DGKE: variants seen among roughly 807,000 people sequenced by gnomAD.
DGKE encodes the protein DAG kinase epsilon.
Under a neutral mutation model 70.0 loss-of-function variants are expected in DGKE, and 53 were observed. The observed-to-expected ratio is 0.76, with a 90% CI of 0.61 to 0.95. The LOEUF is 0.95. Ranked by LOEUF, DGKE falls within the 40% of genes least tolerant of loss-of-function variation. DGKE has a pLI of 0.00. For synonymous variants in DGKE, 291 were observed against 257.0 expected (o/e 1.13, Z -1.27); for missense variants, 655 against 706.9 (o/e 0.93, Z 0.83).
chr17:56,839,190 T>G (rs1193537436), intron 2 of DGKE, among the ~76,000 whole-genome samples: 3 of 152,126 alleles, frequency 2.0e-5, no homozygotes, highest in Non-Finnish European at 4.4e-5. Context: ...AAATATGAAT[T>G]TATATGGAAA....
intron 7 of DGKE, 36 bp from the exon 8 acceptor site, chr17:56,856,476 C>T: frequency 6.3e-7 from 1 of 1,590,594 alleles, no homozygotes; most frequent in South Asian, 1.2e-5. Context: ...TTAGGTGGAA[C>T]CATAGTCTGT....
At chr17:56,861,113 T>A (rs1221708503) in intron 9 of DGKE, among the ~76,000 whole-genome samples, 1 of 152,086 alleles carries the variant, frequency 6.6e-6, no homozygotes, top group Non-Finnish European at 1.5e-5. Flanking sequence ...GACATAGAAA[T>A]AGCATCAACA....
intron 7 of DGKE, among the ~76,000 whole-genome samples, chr17:56,852,240 C>T (rs940493223): frequency 2.6e-5 from 4 of 151,940 alleles, no homozygotes; most frequent in African/African-American, 9.7e-5. Flanking sequence ...TGGTGAAACC[C>T]CATCTCTAAT....
Position 56,863,733 on chromosome 17 carries a change from TAGGG to T in DGKE, c.*946_*949del, listed in dbSNP as rs1047573307. 1 of 152,200 alleles carries T rather than the reference TAGGG, an allele frequency of 6.6e-6. No individual in the cohort carries two copies. The highest frequency in any genetic ancestry group is 2.4e-5 in the African/African-American group (1 of 41,462). The allele number at this position is 152,200 out of a possible 1,614,324, so 9.4% of individuals were successfully genotyped here. ...GTAGTCTTTTAACAGAATTTCCCCT[TAGGG>T]AGGTAAGTGGACAGAAATCTTTGCT... On this transcript the variant is annotated 3_prime_UTR_variant, in exon 12 of 12. Coordinates refer to ENST00000284061, the MANE Select transcript of DGKE (RefSeq NM_003647.3).
intron 7 of DGKE, among the ~76,000 whole-genome samples, chr17:56,853,963 T>C: frequency 6.8e-6 from 1 of 146,806 alleles, no homozygotes; most frequent in Admixed American, 6.8e-5. Context: ...ATATACACAA[T>C]GGAAAACTAT....
In DGKE at chr17:56,866,578, T is replaced by C. The variant is rs994068833; in HGVS notation, c.*3787T>C. Reference sequence around the variant, plus strand: ...TATTTGTATCATACCCAAATTGATATATTTGTCTGAACTCTGTTACATAAA... The same window carrying C: ...TATTTGTATCATACCCAAATTGATACATTTGTCTGAACTCTGTTACATAAA... On this transcript the variant is annotated 3_prime_UTR_variant, in exon 12 of 12. Transcript: ENST00000284061. 5.9e-5 allele frequency: 9 copies of C among 152,274 alleles called. No individual in the cohort carries two copies. Among genetic ancestry groups the C allele is most frequent in the Admixed American group, 1.3e-4 (2 of 15,292 alleles). 9.4% of individuals were successfully genotyped at this position (152,274 alleles called of 1,614,324 possible). A position where few individuals can be genotyped will look rare whatever the true frequency, so the allele number is the denominator to read the frequency against.
Position 56,862,119 on chromosome 17 carries a change from AT to A in DGKE, c.1413-17del. Reference sequence around the variant, plus strand: ...TTTTTTATTGCATCATATAATCCATATTTTCTTTTTCCAATTTTAGGCATGA... The same window carrying A: ...TTTTTTATTGCATCATATAATCCATATTTCTTTTTCCAATTTTAGGCATGA... On this transcript the variant is annotated intron_variant, in intron 10 of 11. Coordinates refer to ENST00000284061, the MANE Select transcript of DGKE (RefSeq NM_003647.3). 8 of 1,610,696 alleles carry A rather than the reference AT, an allele frequency of 5.0e-6. No homozygotes were observed. The highest frequency in any genetic ancestry group is 6.8e-6 in the Non-Finnish European group (8 of 1,177,252).
rs1174104677 is a variant in DGKE at position 56,868,273 on chromosome 17, A to G, written c.*5482A>G. The stretch of plus-strand genomic sequence containing the variant: ...ATGGCTCATAAAAACGTTTGTTCTC[A>G]GTCCAGTTCAGGGCTCTGCCAGCAG... On this transcript the variant is annotated 3_prime_UTR_variant, in exon 12 of 12. Coordinates refer to ENST00000284061, the MANE Select transcript of DGKE (RefSeq NM_003647.3). The G allele has an allele frequency of 1.3e-5, 2 of 152,306 alleles. No individual in the cohort carries two copies. The highest frequency in any genetic ancestry group is 2.1e-4 in the South Asian group (1 of 4,834). The allele number at this position is 152,306 out of a possible 1,614,324, so 9.4% of individuals were successfully genotyped here.
At position 56,845,822 on chromosome 17, in the gene DGKE, A is replaced by G; in HGVS notation, c.744+13A>G. On this transcript the variant is annotated intron_variant, in intron 4 of 11. Coordinates refer to ENST00000284061, the MANE Select transcript of DGKE (RefSeq NM_003647.3). Reference sequence around the variant, plus strand: ...GAATCCAGTCCAGGTAACTAAAGAAAAAAACTTTTTATATTAATGTTTTCA... The same window carrying G: ...GAATCCAGTCCAGGTAACTAAAGAAGAAAACTTTTTATATTAATGTTTTCA... 6.4e-7 allele frequency: 1 copy of G among 1,568,028 alleles called. No homozygotes were observed. Among genetic ancestry groups the G allele is most frequent in the Non-Finnish European group, 8.6e-7 (1 of 1,163,730 alleles).
In DGKE at chr17:56,864,195, G is replaced by A. The variant is rs906200315; in HGVS notation, c.*1404G>A. 3.3e-5 allele frequency: 5 copies of A among 152,172 alleles called. No homozygotes were observed. Among genetic ancestry groups the A allele is most frequent in the African/African-American group, 4.8e-5 (2 of 41,442 alleles). 9.4% of individuals were successfully genotyped at this position (152,172 alleles called of 1,614,324 possible). A position where few individuals can be genotyped will look rare whatever the true frequency, so the allele number is the denominator to read the frequency against. On this transcript the variant is annotated 3_prime_UTR_variant, in exon 12 of 12. Coordinates refer to ENST00000284061, the MANE Select transcript of DGKE (RefSeq NM_003647.3). ...GCCCAAGGGTCGTGACCCACAGGTC[G>A]GCTGACCCAGAGGGCATCCAGCCTG...
rs34271507 is a variant in DGKE, at chr17:56,846,090, CAT to C, written c.744+284_744+285del. On this transcript the variant is annotated intron_variant, in intron 4 of 11. Coordinates refer to ENST00000284061, the MANE Select transcript of DGKE (RefSeq NM_003647.3). ...GGAATCTACCCAAGGGAAGTGAAAACATATTTCTCACAAACATTTGCATGAAA... is the reference window on the plus strand; with the variant it reads ...GGAATCTACCCAAGGGAAGTGAAAACATTTCTCACAAACATTTGCATGAAA... 144,871 of 203,304 alleles carry C rather than the reference CAT, an allele frequency of 0.71. 52,305 individuals carry two copies. Among genetic ancestry groups the C allele is most frequent in the East Asian group, 0.89 (8,008 of 9,034 alleles). 12.6% of individuals were successfully genotyped at this position (203,304 alleles called of 1,614,324 possible).
rs753267693 is a variant in DGKE, at chr17:56,844,149, C to G, written c.595C>G (p.Arg199Gly). ...TTATTTAACATCCATTAATCAGATGCGTAAAGACAAAAAAACAGATTATGA... is the reference window on the plus strand; with the variant it reads ...TTATTTAACATCCATTAATCAGATGGGTAAAGACAAAAAAACAGATTATGA... ...PSYLTSINQM[R>G]KDKKTDYEVL... Residue 199 changes from arginine (R) to glycine (G), a missense_variant, in exon 3 of 12, where the codon CGT (arginine) becomes GGT (glycine). Physicochemically the swap from Arg to Gly is moderately radical, Grantham distance 125. Coordinates refer to ENST00000284061, the MANE Select transcript of DGKE (RefSeq NM_003647.3). 4 of 1,536,082 alleles carry G rather than the reference C, an allele frequency of 2.6e-6. No homozygotes were observed. Among genetic ancestry groups the G allele is most frequent in the Non-Finnish European group, 2.6e-6 (3 of 1,145,968 alleles).
rs780455016 is a variant in DGKE at position 56,861,934 on chromosome 17, G to A, written c.1412+16G>A. 4 of 1,577,512 alleles carry A rather than the reference G, an allele frequency of 2.5e-6. No homozygotes were observed. Among genetic ancestry groups the A allele is most frequent in the African/African-American group, 2.8e-5 (2 of 72,696 alleles). ...CTCTAGCCAGGTATGTACATTTGTG[G>A]TCTGTTTTTTTATGTCACTATTTTA... On this transcript the variant is annotated intron_variant, in intron 10 of 11. Transcript: ENST00000284061.
At chr17:56,834,737 T>C in intron 1 of DGKE, 41 bp from the exon 2 acceptor site, 3 of 1,512,942 alleles carry the variant, frequency 2.0e-6, no homozygotes, top group East Asian at 4.6e-5. Context: ...GGGGAAGGGA[T>C]GGCGAGCTCG....
intron 3 of DGKE, among the ~76,000 whole-genome samples, chr17:56,845,040 T>A (rs1256283385): frequency 6.6e-6 from 1 of 152,168 alleles, no homozygotes; most frequent in African/African-American, 2.4e-5. Flanking sequence ...GTACAATCTC[T>A]TATTTATCTG....
At chr17:56,840,922 G>A (rs1294422530) in intron 2 of DGKE, among the ~76,000 whole-genome samples, 1 of 151,842 alleles carries the variant, frequency 6.6e-6, no homozygotes, top group Non-Finnish European at 1.5e-5. Flanking sequence ...CAGGAGTTCA[G>A]GCCAGTGTGA....
intron 2 of DGKE, among the ~76,000 whole-genome samples, chr17:56,840,798 G>GA (rs1021778420): frequency 6.6e-6 from 1 of 152,126 alleles, no homozygotes; most frequent in Admixed American, 6.6e-5. Flanking sequence ...GGAGGGGGGG[G>GA]AATAACTATA....
chr17:56,842,178 A>C lies in DGKE; in HGVS notation c.465-1841A>C, dbSNP rs866136235. Reference sequence around the variant, plus strand: ...TACACTATAAAACTGAGAATAAATAAGTCAAAAAGTTAAGAGTGACTCTCT... The same window carrying C: ...TACACTATAAAACTGAGAATAAATACGTCAAAAAGTTAAGAGTGACTCTCT... On this transcript the variant is annotated intron_variant, in intron 2 of 11. Transcript: ENST00000284061. Among the ~76,000 whole-genome samples, 8 of 152,314 alleles carry C rather than the reference A, an allele frequency of 5.3e-5. No individual in the cohort carries two copies. In the Middle Eastern group the frequency reaches 0.01, roughly 194 times the overall value.
chr17:56,839,906 C>T (rs1250170222), intron 2 of DGKE, among the ~76,000 whole-genome samples: 4 of 152,232 alleles, frequency 2.6e-5, no homozygotes, highest in South Asian at 2.1e-4. Flanking sequence ...CTGGGCTGAG[C>T]GCAGTGGCTC....
Sources: allele counts gnomAD v4.1 joint callset (sites outside exome capture counted in the v4.1 genomes callset), GRCh38; gene constraint gnomAD v4.1.1; transcripts MANE v1.5; gene names NCBI Gene and HGNC (gene_info 2026-07-23, HGNC 2026-07-21).